Variants in YAP1 observed in about 807,000 individuals in gnomAD.
YAP1 encodes Yes1 associated transcriptional regulator, also known as transcriptional coactivator YAP1.
In YAP1, 5 loss-of-function variants were observed where a neutral mutation model predicts 56.9. The observed-to-expected ratio is 0.09, with a 90% confidence interval of 0.05 to 0.18. The LOEUF (loss-of-function observed/expected upper bound fraction) is 0.18, where lower values mean the gene tolerates loss of function less well. YAP1 is among the 10% of genes least tolerant of loss of function. YAP1 has a pLI of 1.00. For synonymous variants in YAP1, 265 were observed against 248.1 expected, an observed-to-expected ratio of 1.07 and a Z score of -0.64; for missense variants, 539 against 651.8, an observed-to-expected ratio of 0.83 and a Z score of 1.88.
rs1434739289 is a variant in YAP1, at chr11:102,231,953, G to A, written c.*2013G>A. 6.6e-6 allele frequency: 1 copy of A among 152,518 alleles called. No homozygotes were observed. The highest frequency in any genetic ancestry group is 1.5e-5 in the Non-Finnish European group (1 of 68,000). 9.4% of individuals were successfully genotyped at this position (152,518 alleles called of 1,614,324 possible). Reference sequence around the variant, plus strand: ...GTGCTCAAAAAAATGCAATCACTGTGTTGTATATAATAGTTCATAGGTTGA... The same window carrying A: ...GTGCTCAAAAAAATGCAATCACTGTATTGTATATAATAGTTCATAGGTTGA... On this transcript the variant is annotated 3_prime_UTR_variant, in exon 9 of 9. Transcript: ENST00000282441.
At chr11:102,129,329 C>A (rs1039343936) in intron 2 of YAP1, among the ~76,000 whole-genome samples, 1 of 152,004 alleles carries the variant, frequency 6.6e-6, no homozygotes, top group African/African-American at 2.4e-5. Context: ...GGTTAAAATA[C>A]ATTCATCTGG....
intron 4 of YAP1, among the ~76,000 whole-genome samples, chr11:102,193,812 T>C (rs536888056): frequency 6.6e-6 from 1 of 152,034 alleles, no homozygotes; most frequent in Non-Finnish European, 1.5e-5. Context: ...CCTTACATAG[T>C]TTTTTGGGGG....
chr11:102,116,384 T>C (rs946614233), intron 2 of YAP1, among the ~76,000 whole-genome samples: 1 of 152,204 alleles, frequency 6.6e-6, no homozygotes, highest in South Asian at 2.1e-4. Flanking sequence ...TTTTAGTACA[T>C]GTAGGAGGTC....
chr11:102,159,619 G>A (rs145162387), intron 2 of YAP1, among the ~76,000 whole-genome samples: 172 of 152,248 alleles, frequency 1.1e-3, no homozygotes, highest in African/African-American at 3.9e-3. Flanking sequence ...AAATTTTTGA[G>A]GGCTTTTTGC....
chr11:102,137,076 C>T (rs1240617877), intron 2 of YAP1, among the ~76,000 whole-genome samples: 1 of 152,154 alleles, frequency 6.6e-6, no homozygotes, highest in Non-Finnish European at 1.5e-5. Flanking sequence ...ATTAAGTCTT[C>T]TAGTCTATGA....
In YAP1 at chr11:102,114,151, C is replaced by T. The variant is rs1370857356; in HGVS notation, c.329C>T (p.Thr110Ile). 3 of 1,613,744 alleles carry T rather than the reference C, an allele frequency of 1.9e-6. No homozygotes were observed. The South Asian group carries it at 3.3e-5, about 18-fold the overall frequency. The change falls in exon 2 of 9, where the codon ACT becomes ATT. Residue 110 changes from threonine to isoleucine, a missense_variant. Thr to Ile is a moderately conservative substitution (Grantham distance 89). Around this residue, in one of 4 missense-constraint regions of YAP1, gnomAD observed 414 missense variants for 512.4 expected, o/e 0.81. Coordinates refer to ENST00000282441, the MANE Select transcript of YAP1 (RefSeq NM_001130145.3). Reference protein sequence around the residue: ...EPKSHSRQASTDAGTAGALTP... With the variant: ...EPKSHSRQASIDAGTAGALTP... ...CTTAATATTCCCTAATAGGCCAGTACTGATGCAGGCACTGCAGGAGCCCTG... is the reference window on the plus strand; with the variant it reads ...CTTAATATTCCCTAATAGGCCAGTATTGATGCAGGCACTGCAGGAGCCCTG...
chr11:102,124,973 A>G (rs1044542625), intron 2 of YAP1, among the ~76,000 whole-genome samples: 26 of 151,830 alleles, frequency 1.7e-4, no homozygotes, highest in African/African-American at 6.1e-4. Context: ...TGTGAGCTCA[A>G]GTGATCTGCC....
At chr11:102,130,556 C>T (rs1248939658) in intron 2 of YAP1, among the ~76,000 whole-genome samples, 1 of 151,922 alleles carries the variant, frequency 6.6e-6, no homozygotes, top group African/African-American at 2.4e-5. Context: ...GAATGTGCCA[C>T]CACACCTGGC....
At position 102,202,127 on chromosome 11, in the gene YAP1, C is replaced by G. The variant is rs76962926; in HGVS notation, c.803-3766C>G. Among the ~76,000 whole-genome samples, 1,205 of 151,968 alleles carry G rather than the reference C, an allele frequency of 7.9e-3. 21 individuals carry two copies. The highest frequency in any genetic ancestry group is 0.027 in the African/African-American group (1,137 of 41,446). On this transcript the variant is annotated intron_variant, in intron 4 of 8. Coordinates refer to ENST00000282441, the MANE Select transcript of YAP1 (RefSeq NM_001130145.3). ...CTGTGATTTCATAATGATTTTTTTTCCCTTCGCTCCAGGTAGCAGAGTATC... is the reference window on the plus strand; with the variant it reads ...CTGTGATTTCATAATGATTTTTTTTGCCTTCGCTCCAGGTAGCAGAGTATC...
intron 2 of YAP1, among the ~76,000 whole-genome samples, chr11:102,134,811 C>T (rs1359368674): frequency 6.6e-6 from 1 of 152,082 alleles, no homozygotes; most frequent in Non-Finnish European, 1.5e-5. Context: ...TGGGCTGAAG[C>T]GATCCTCTGG....
At chr11:102,129,667 T>C (rs1944257165) in intron 2 of YAP1, among the ~76,000 whole-genome samples, 1 of 151,758 alleles carries the variant, frequency 6.6e-6, no homozygotes, top group Non-Finnish European at 1.5e-5. Context: ...GGCTGAGATG[T>C]GTTAGGACCC....
chr11:102,228,243 A>T (rs373724471), intron 8 of YAP1, among the ~76,000 whole-genome samples: 10 of 152,046 alleles, frequency 6.6e-5, no homozygotes, highest in African/African-American at 2.4e-4. Context: ...GTTTGTCTTC[A>T]TCTTTTCTCT....
chr11:102,185,884 C>T (rs1039781341), intron 3 of YAP1, 134 bp from the exon 4 acceptor site: 2 of 877,762 alleles, frequency 2.3e-6, no homozygotes, highest in Non-Finnish European at 3.3e-6. Flanking sequence ...CTTCTCTGAA[C>T]ACAGCCTTAA....
At chr11:102,221,402 A>G (rs73585816) in intron 6 of YAP1, among the ~76,000 whole-genome samples, 1 of 152,150 alleles carries the variant, frequency 6.6e-6, no homozygotes. Flanking sequence ...AACTTGTGAT[A>G]TAACGTGCTT....
chr11:102,154,141 A>G (rs1318485438), intron 2 of YAP1, among the ~76,000 whole-genome samples: 2 of 152,188 alleles, frequency 1.3e-5, no homozygotes, highest in African/African-American at 4.8e-5. Flanking sequence ...TTAACTTGAG[A>G]GGTTCAAAGA....
intron 4 of YAP1, among the ~76,000 whole-genome samples, chr11:102,195,237 T>C (rs552467923): frequency 6.6e-6 from 1 of 152,342 alleles, no homozygotes; most frequent in Admixed American, 6.5e-5. Context: ...TGCCCTAAAC[T>C]GCTTGATGAG....
At chr11:102,193,680 A>T (rs760791238) in intron 4 of YAP1, among the ~76,000 whole-genome samples, 6 of 152,236 alleles carry the variant, frequency 3.9e-5, no homozygotes, top group African/African-American at 7.2e-5. Context: ...CATAATGAGT[A>T]CATTGTTCAT....
rs542718512 is a variant in YAP1 at position 102,167,585 on chromosome 11, T to C, written c.688+5014T>C. Among the ~76,000 whole-genome samples the C allele has an allele frequency of 3.9e-5, 6 of 152,178 alleles. No homozygotes were observed. In the South Asian group the frequency reaches 1.2e-3, roughly 32 times the overall value. On this transcript the variant is annotated intron_variant, in intron 3 of 8. Transcript: ENST00000282441. ...CCGTCTCCACTAAAGATTTAAAAATTAGCTGAGCATTGGTGGTGCACGCCT... is the reference window on the plus strand; with the variant it reads ...CCGTCTCCACTAAAGATTTAAAAATCAGCTGAGCATTGGTGGTGCACGCCT...
intron 3 of YAP1, 73 bp downstream of exon 3, chr11:102,162,644 T>G: frequency 5.0e-6 from 7 of 1,413,076 alleles, no homozygotes; most frequent in Non-Finnish European, 7.0e-6. Context: ...TGGAAAATAG[T>G]CATTACTCGT....
Sources: gnomAD v4.1 joint callset for allele counts (sites outside exome capture counted in the v4.1 genomes callset) on GRCh38, gnomAD v4.1.1 for gene constraint, gnomAD v4.1.1 regional missense constraint, MANE v1.5 for transcripts, NCBI Gene and HGNC (gene_info 2026-07-23, HGNC 2026-07-21) for gene names.